The following SYN3 variants were observed in gnomAD, a reference collection of about 807,000 sequenced individuals.
The protein encoded by SYN3 is synapsin III, also known as synapsin-3.
In SYN3, 35 loss-of-function variants were observed where a neutral mutation model predicts 65.8. The observed-to-expected ratio is 0.53, with a 90% CI of 0.41 to 0.70. SYN3 has a LOEUF of 0.70. Among genes scored for constraint, SYN3 ranks in the 30% least tolerant of loss-of-function variants. SYN3 has a pLI of 0.00. For synonymous variants in SYN3, 270 were observed against 292.9 expected (o/e 0.92, Z 0.80); for missense variants, 680 against 749.0 (o/e 0.91, Z 1.08).
At chr22:32,654,964 T>C (rs2060122269) in intron 6 of SYN3, among the ~76,000 whole-genome samples, 1 of 152,234 alleles carries the variant, frequency 6.6e-6, no homozygotes, top group African/African-American at 2.4e-5. Flanking sequence ...TCATGCATTT[T>C]CCCCTAAGCT....
intron 1 of SYN3, chr22:33,015,220 C>CA (rs1158885870): frequency 0.016 from 1,625 of 101,786 alleles, 4 homozygotes; most frequent in South Asian, 0.034. Context: ...GACTCCGTCT[C>CA]AAAAAAAAAA....
chr22:32,711,709 C>A (rs2060968671), intron 6 of SYN3, among the ~76,000 whole-genome samples: 2 of 152,236 alleles, frequency 1.3e-5, no homozygotes, highest in Admixed American at 1.3e-4. Context: ...CTATTCAACA[C>A]TCCTGGGTAT....
At chr22:32,781,094 T>C (rs2046052129) in intron 6 of SYN3, among the ~76,000 whole-genome samples, 1 of 131,052 alleles carries the variant, frequency 7.6e-6, no homozygotes, top group Non-Finnish European at 1.6e-5. Flanking sequence ...CCTCCCTTCC[T>C]CCCTTCTTCC....
intron 6 of SYN3, among the ~76,000 whole-genome samples, chr22:32,753,189 C>G (rs2045187037): frequency 6.6e-6 from 1 of 152,130 alleles, no homozygotes; most frequent in Non-Finnish European, 1.5e-5. Context: ...AACAGTAGAG[C>G]CTGCTGGGGT....
intron 6 of SYN3, among the ~76,000 whole-genome samples, chr22:32,654,492 C>T (rs942914292): frequency 2.6e-5 from 4 of 152,194 alleles, no homozygotes; most frequent in African/African-American, 7.2e-5. Flanking sequence ...TTTCCTGTCC[C>T]CTACATGCCA....
At chr22:32,576,881 T>C (rs1303676711) in intron 7 of SYN3, among the ~76,000 whole-genome samples, 6 of 151,046 alleles carry the variant, frequency 4.0e-5, no homozygotes, top group Admixed American at 4.0e-4. Context: ...ACCATGCCTA[T>C]TCTTTGCTTG....
intron 3 of SYN3, among the ~76,000 whole-genome samples, chr22:32,938,531 G>GAAAAAA (rs1381175480): frequency 1.4e-5 from 1 of 71,974 alleles, no homozygotes; most frequent in Admixed American, 1.4e-4. Context: ...CTCTGTCTCA[G>GAAAAAA]AAAAAAAAAA....
At chr22:32,706,483 G>C (rs1033396241) in intron 6 of SYN3, among the ~76,000 whole-genome samples, 1 of 152,262 alleles carries the variant, frequency 6.6e-6, no homozygotes, top group Admixed American at 6.5e-5. Context: ...GAACAATTAA[G>C]AAAAAATGAA....
intron 2 of SYN3, among the ~76,000 whole-genome samples, chr22:32,994,075 G>A (rs902280271): frequency 1.1e-4 from 17 of 152,268 alleles, no homozygotes; most frequent in Admixed American, 2.0e-4. Flanking sequence ...GCACCGGGCC[G>A]CTGGATTGGA....
At chr22:32,653,827 T>C (rs932550029) in intron 6 of SYN3, among the ~76,000 whole-genome samples, 2 of 152,202 alleles carry the variant, frequency 1.3e-5, no homozygotes, top group Admixed American at 1.3e-4. Flanking sequence ...CCTTTTCTCA[T>C]TGGGTACTGA....
chr22:32,604,732 G>A (rs1192505553), intron 6 of SYN3, among the ~76,000 whole-genome samples: 7 of 152,094 alleles, frequency 4.6e-5, no homozygotes, highest in Admixed American at 2.0e-4. Context: ...ATGACTGGGC[G>A]CGGTGGCTCA....
At chr22:33,027,394 T>G (rs554617935) in intron 1 of SYN3, among the ~76,000 whole-genome samples, 1 of 151,954 alleles carries the variant, frequency 6.6e-6, no homozygotes, top group African/African-American at 2.4e-5. Context: ...GTCAAGAGTT[T>G]GAGACCAGCC....
In SYN3 at chr22:32,537,450, C is replaced by T. The variant is rs567166182; in HGVS notation, c.992+586G>A. On this transcript the variant is annotated intron_variant, in intron 9 of 13. Transcript: ENST00000358763. The stretch of plus-strand genomic sequence containing the variant: ...CTGGGATTACAGGTGTGAGCCACCG[C>T]ACCCGGCCGGCACTTCCTTAAGTGG... 2.0e-4 allele frequency among the ~76,000 whole-genome samples: 31 copies of T among 152,288 alleles called. 1 individual carries two copies. In the East Asian group the frequency reaches 5.8e-3, roughly 28 times the overall value.
At chr22:33,053,621 G>A (rs559192000) in intron 1 of SYN3, among the ~76,000 whole-genome samples, 42 of 152,266 alleles carry the variant, frequency 2.8e-4, no homozygotes, top group South Asian at 8.3e-4. Flanking sequence ...TGGGAGGAAC[G>A]GGGAAATGAA....
intron 3 of SYN3, among the ~76,000 whole-genome samples, chr22:32,951,236 C>T (rs1252116038): frequency 1.3e-5 from 2 of 152,106 alleles, no homozygotes; most frequent in African/African-American, 4.8e-5. Context: ...CACTGTCAAA[C>T]ACACCAAGCA....
At chr22:32,684,049 G>A (rs1420366342) in intron 6 of SYN3, among the ~76,000 whole-genome samples, 1 of 152,256 alleles carries the variant, frequency 6.6e-6, no homozygotes, top group Non-Finnish European at 1.5e-5. Context: ...TCCCACCCAT[G>A]TGATCCCAAT....
At chr22:32,751,774 T>C (rs982668399) in intron 6 of SYN3, among the ~76,000 whole-genome samples, 5 of 152,092 alleles carry the variant, frequency 3.3e-5, no homozygotes, top group African/African-American at 1.2e-4. Context: ...GCTTAAACAG[T>C]GGAAGCAGAG....
intron 6 of SYN3, among the ~76,000 whole-genome samples, chr22:32,650,414 G>A (rs2060052529): frequency 6.6e-6 from 1 of 151,810 alleles, no homozygotes; most frequent in Admixed American, 6.6e-5. Flanking sequence ...CCACAGGTGT[G>A]TACCTCCATG....
intron 1 of SYN3, among the ~76,000 whole-genome samples, chr22:33,044,503 C>T (rs747635965): frequency 5.3e-5 from 8 of 152,188 alleles, no homozygotes; most frequent in African/African-American, 9.6e-5. Flanking sequence ...TAAACAGACA[C>T]GTGCTCTTTG....
Sources: gnomAD v4.1 joint callset for allele counts (sites outside exome capture counted in the v4.1 genomes callset) on GRCh38, gnomAD v4.1.1 for gene constraint, MANE v1.5 for transcripts, NCBI Gene and HGNC (gene_info 2026-07-23, HGNC 2026-07-21) for gene names.